Variants in CMPK1 observed in about 807,000 individuals in gnomAD.
The protein encoded by CMPK1 is UMP-CMP kinase.
Under a neutral mutation model 25.7 loss-of-function variants are expected in CMPK1, and 10 were observed. That is an observed-to-expected ratio of 0.39 (90% CI 0.24 to 0.66). The LOEUF (loss-of-function observed/expected upper bound fraction) is 0.66. Ranked by LOEUF, CMPK1 falls within the 30% of genes least tolerant of loss-of-function variation. CMPK1 has a pLI of 0.48. For missense variants in CMPK1, 199 were observed against 280.5 expected, an observed-to-expected ratio of 0.71 and a Z score of 2.08; for synonymous variants, 106 against 101.5, an observed-to-expected ratio of 1.04 and a Z score of -0.27.
Position 47,340,084 on chromosome 1 carries a change from A to G in CMPK1, c.171+5968A>G, listed in dbSNP as rs1314903975. ...TCCCCTTTCCCTTTCTTTCCTATTT[A>G]TTTATTTATTTATTTGAGATGAGCT... On this transcript the variant is annotated intron_variant, in intron 1 of 5. Coordinates refer to ENST00000371873, the MANE Select transcript of CMPK1 (RefSeq NM_016308.3). Among the ~76,000 whole-genome samples the G allele has an allele frequency of 6.8e-4, 43 of 63,568 alleles. 1 individual carries two copies. The highest frequency in any genetic ancestry group is 3.1e-3 in the African/African-American group (41 of 13,164). 41.7% of individuals were successfully genotyped at this position (63,568 alleles called of 152,430 possible).
intron 1 of CMPK1, among the ~76,000 whole-genome samples, chr1:47,359,705 T>TA (rs1646588833): frequency 6.6e-6 from 1 of 152,150 alleles, no homozygotes; most frequent in African/African-American, 2.4e-5. Flanking sequence ...CTTTCTTTTA[T>TA]AAGGAGAAAT....
At chr1:47,354,792 T>C (rs999158518) in intron 1 of CMPK1, among the ~76,000 whole-genome samples, 3 of 152,146 alleles carry the variant, frequency 2.0e-5, no homozygotes, top group Admixed American at 1.3e-4. Flanking sequence ...CATGTACATA[T>C]GTCTTTGTGC....
intron 1 of CMPK1, among the ~76,000 whole-genome samples, chr1:47,335,377 T>G (rs4926824): frequency 0.38 from 57,476 of 151,982 alleles, 13,632 homozygotes; most frequent in Non-Finnish European, 0.5. Context: ...TGTGGCTCAC[T>G]CCTGTAATCC....
At chr1:47,357,441 G>A (rs1646569212) in intron 1 of CMPK1, among the ~76,000 whole-genome samples, 1 of 151,008 alleles carries the variant, frequency 6.6e-6, no homozygotes. Context: ...CTTTTACAAG[G>A]AAACCACTCT....
At chr1:47,365,633 C>A (rs79458841) in intron 1 of CMPK1, among the ~76,000 whole-genome samples, 823 of 108,224 alleles carry the variant, frequency 7.6e-3, no homozygotes, top group Middle Eastern at 0.02. Context: ...GACCCTGTCT[C>A]AAAAAAAAAA....
In CMPK1 at chr1:47,375,104, G is replaced by T; in HGVS notation, c.549-93G>T. 6 of 1,254,142 alleles carry T rather than the reference G, an allele frequency of 4.8e-6. No homozygotes were observed. In the South Asian group the frequency reaches 6.0e-5, roughly 13 times the overall value. The allele number at this position is 1,254,142 out of a possible 1,614,324, so 77.7% of individuals were successfully genotyped here. On this transcript the variant is annotated intron_variant, in intron 4 of 5. Transcript: ENST00000371873. Reference sequence around the variant, plus strand: ...CTTGTTTAAGATGTTAGGTCAATCAGTCGGGGCAGATCCAGTGTTCTGTGA... The same window carrying T: ...CTTGTTTAAGATGTTAGGTCAATCATTCGGGGCAGATCCAGTGTTCTGTGA...
chr1:47,376,506 G>A (rs190908398), intron 5 of CMPK1, among the ~76,000 whole-genome samples, 198 bp from the exon 6 acceptor site: 5 of 152,104 alleles, frequency 3.3e-5, no homozygotes, highest in Admixed American at 3.3e-4. Flanking sequence ...AGTAGAGACG[G>A]GGTTTTGCCA....
At chr1:47,368,937 A>C (rs1646658228) in intron 2 of CMPK1, among the ~76,000 whole-genome samples, 1 of 152,232 alleles carries the variant, frequency 6.6e-6, no homozygotes, top group Non-Finnish European at 1.5e-5. Flanking sequence ...CTCAAAAATA[A>C]ATAAATAAAC....
At chr1:47,374,397 C>T (rs979250159) in intron 3 of CMPK1, among the ~76,000 whole-genome samples, 2 of 152,092 alleles carry the variant, frequency 1.3e-5, no homozygotes, top group Non-Finnish European at 2.9e-5. Flanking sequence ...CTTCCAACCC[C>T]CCAAAATATG....
intron 1 of CMPK1, among the ~76,000 whole-genome samples, chr1:47,364,318 G>GT (rs962254938): frequency 6.6e-6 from 1 of 151,206 alleles, no homozygotes; most frequent in Non-Finnish European, 1.5e-5. Context: ...TTTTGGTTTG[G>GT]TTTTTTTGTT....
chr1:47,334,019 T>G lies in CMPK1; in HGVS notation c.74T>G (p.Ile25Ser). 6.5e-7 allele frequency: 1 copy of G among 1,548,270 alleles called. No homozygotes were observed. The change falls in exon 1 of 6, where the codon ATT (isoleucine) becomes AGT (serine). Residue 25 changes from isoleucine (I) to serine (S), a missense_variant. Ile to Ser is a moderately radical substitution (Grantham distance 142). This residue lies in a region of CMPK1 where 59 missense variants were observed against 45.1 expected (regional missense o/e 1.31). Transcript: ENST00000371873. ...TTCCTGCTGCAGACCCGCCGGCCGATTCTCCTCTGCTCTCCACGTCTCATG... is the reference window on the plus strand; with the variant it reads ...TTCCTGCTGCAGACCCGCCGGCCGAGTCTCCTCTGCTCTCCACGTCTCATG... ...LSFLLQTRRP[I>S]LLCSPRLMKP...
At chr1:47,344,618 C>T (rs1228053466) in intron 1 of CMPK1, among the ~76,000 whole-genome samples, 1 of 151,872 alleles carries the variant, frequency 6.6e-6, no homozygotes, top group African/African-American at 2.4e-5. Context: ...CCTGCCTCAG[C>T]CTCCCAAGTA....
rs1646711380 is a variant in CMPK1 at position 47,376,808 on chromosome 1, A to G, written c.*63A>G. 3.3e-6 allele frequency: 3 copies of G among 920,350 alleles called. No individual in the cohort carries two copies. The highest frequency in any genetic ancestry group is 4.2e-5 in the Admixed American group (2 of 48,082). 57.0% of individuals were successfully genotyped at this position (920,350 alleles called of 1,614,324 possible). ...TATTGCTTTGATAGCTGCTATCATGACCCCTTTTTAAGGCAATTCTAATCT... is the reference window on the plus strand; with the variant it reads ...TATTGCTTTGATAGCTGCTATCATGGCCCCTTTTTAAGGCAATTCTAATCT... On this transcript the variant is annotated 3_prime_UTR_variant, in exon 6 of 6. Transcript: ENST00000371873.
At chr1:47,347,871 T>A (rs1435146074) in intron 1 of CMPK1, among the ~76,000 whole-genome samples, 1 of 152,214 alleles carries the variant, frequency 6.6e-6, no homozygotes, top group Non-Finnish European at 1.5e-5. Context: ...CTTCAAGTGA[T>A]CTGCCTGTCT....
intron 1 of CMPK1, among the ~76,000 whole-genome samples, chr1:47,335,434 C>T (rs919515720): frequency 1.3e-5 from 2 of 152,026 alleles, no homozygotes; most frequent in Non-Finnish European, 1.5e-5. Context: ...GTCAGGAGTT[C>T]GAGACCAGCC....
rs1422577257 is a variant in CMPK1 at position 47,334,080 on chromosome 1, C to T, written c.135C>T (p.Gly45=). 3.2e-6 allele frequency: 5 copies of T among 1,539,016 alleles called. No homozygotes were observed. The highest frequency in any genetic ancestry group is 2.5e-5 in the East Asian group (1 of 40,076). ...PLVVFVLGGP[G]AGKGTQCARI... ...TCGTGTTCGTCCTCGGCGGCCCCGG[C>T]GCCGGCAAGGGGACCCAGTGCGCCC... Residue 45 remains glycine (G), a synonymous_variant, in exon 1 of 6, where the codon GGC becomes GGT. Transcript: ENST00000371873.
chr1:47,363,643 CAAAT>C (rs1646618810), intron 1 of CMPK1, among the ~76,000 whole-genome samples: 1 of 144,214 alleles, frequency 6.9e-6, no homozygotes, highest in Admixed American at 7.0e-5. Context: ...GCCTCAAAAA[CAAAT>C]AAACAAACAA....
At chr1:47,363,310 C>T (rs1277476647) in intron 1 of CMPK1, among the ~76,000 whole-genome samples, 1 of 152,160 alleles carries the variant, frequency 6.6e-6, no homozygotes, top group African/African-American at 2.4e-5. Context: ...TAGAGATTGT[C>T]TGTAACTGGT....
At position 47,334,102 on chromosome 1, in the gene CMPK1, G is replaced by A. The variant is rs764535721; in HGVS notation, c.157G>A (p.Ala53Thr). Residue 53 changes from alanine to threonine, a missense_variant, in exon 1 of 6, where the codon GCC (alanine) becomes ACC (threonine). Transcript: ENST00000371873. ...GPGAGKGTQC[A>T]RIVEKYGYTH... Reference sequence around the variant, plus strand: ...CGGCGCCGGCAAGGGGACCCAGTGCGCCCGCATCGTCGAGGTGAGGCCCGG... The same window carrying A: ...CGGCGCCGGCAAGGGGACCCAGTGCACCCGCATCGTCGAGGTGAGGCCCGG... 2.0e-6 allele frequency: 3 copies of A among 1,519,308 alleles called. No individual in the cohort carries two copies. Among genetic ancestry groups the A allele is most frequent in the East Asian group, 2.6e-5 (1 of 38,222 alleles). The allele number at this position is 1,519,308 out of a possible 1,614,324, so 94.1% of individuals were successfully genotyped here.
Sources: allele counts gnomAD v4.1 joint callset (sites outside exome capture counted in the v4.1 genomes callset), GRCh38; gene constraint gnomAD v4.1.1; regional missense constraint gnomAD v4.1.1; transcripts MANE v1.5; gene names NCBI Gene and HGNC (gene_info 2026-07-23, HGNC 2026-07-21).